The following ARNT2 variants were observed in gnomAD, a reference collection of about 807,000 sequenced individuals.
ARNT2 encodes aryl hydrocarbon receptor nuclear translocator 2.
In ARNT2, 36 loss-of-function variants were observed where a neutral mutation model predicts 91.7. The observed-to-expected ratio is 0.39, with a 90% CI of 0.30 to 0.52. The LOEUF (loss-of-function observed/expected upper bound fraction) is 0.52. Among genes scored for constraint, ARNT2 ranks in the 20% least tolerant of loss-of-function variants. The pLI is 0.72. For synonymous variants in ARNT2, 365 were observed against 347.1 expected, an observed-to-expected ratio of 1.05 and a Z score of -0.57; for missense variants, 775 against 939.3, an observed-to-expected ratio of 0.83 and a Z score of 2.29.
chr15:80,536,513 A>G (rs1267022670), intron 8 of ARNT2, among the ~76,000 whole-genome samples: 1 of 152,146 alleles, frequency 6.6e-6, no homozygotes, highest in Non-Finnish European at 1.5e-5. Context: ...CCCTTTTCGT[A>G]TTGACACAGC....
At position 80,575,262 on chromosome 15, in the gene ARNT2, A is replaced by C. The variant is rs139584489; in HGVS notation, c.1513+152A>C. On this transcript the variant is annotated intron_variant, in intron 14 of 18. Transcript: ENST00000303329. ...TATAAAAATACACGAGTTGGAATGG[A>C]TTCTGTCTACTCCTGGCCTTGCCTC... is the stretch of plus-strand genomic sequence containing the variant. The C allele has an allele frequency of 9.3e-5, 103 of 1,113,108 alleles. No individual in the cohort carries two copies. The African/African-American group carries it at 1.4e-3, about 15-fold the overall frequency. The allele number at this position is 1,113,108 out of a possible 1,614,324, so 69.0% of individuals were successfully genotyped here. A position where few individuals can be genotyped will look rare whatever the true frequency, so the allele number is the denominator to read the frequency against.
chr15:80,574,927 G>T, intron 13 of ARNT2, 60 bp from the exon 14 acceptor site: 1 of 1,565,486 alleles, frequency 6.4e-7, no homozygotes, highest in South Asian at 1.2e-5. Context: ...GGCTCCTGGG[G>T]ACGCATGTTC....
chr15:80,410,025 T>C lies in ARNT2; in HGVS notation c.31+5479T>C, dbSNP rs181460301. ...TTTTTAAAAAGCGCTGGAAATCTAC[T>C]GAAGGGGGTTTGAGCAAGGGGCATG... On this transcript the variant is annotated intron_variant, in intron 1 of 18. Coordinates refer to ENST00000303329, the MANE Select transcript of ARNT2 (RefSeq NM_014862.4). Among the ~76,000 whole-genome samples the C allele has an allele frequency of 4.6e-5, 7 of 152,294 alleles. No homozygotes were observed. In the East Asian group the frequency reaches 1.3e-3, roughly 29 times the overall value.
intron 1 of ARNT2, among the ~76,000 whole-genome samples, chr15:80,430,262 C>A (rs570301906): frequency 1.3e-5 from 2 of 152,236 alleles, no homozygotes; most frequent in Non-Finnish European, 2.9e-5. Flanking sequence ...AGTTGGAGAT[C>A]TCTGTGGTCT....
intron 1 of ARNT2, chr15:80,442,938 C>A (rs915624238): frequency 2.0e-6 from 2 of 985,284 alleles, no homozygotes; most frequent in Non-Finnish European, 2.4e-6. Flanking sequence ...TTTCCTCTGG[C>A]GTGCCCTCCT....
At chr15:80,441,426 A>C (rs1233477556) in intron 1 of ARNT2, 6 of 977,484 alleles carry the variant, frequency 6.1e-6, no homozygotes, top group Non-Finnish European at 6.1e-6. Context: ...AATTGTTCTA[A>C]GAGAGATGAA....
chr15:80,524,516 C>T (rs1021983217), intron 8 of ARNT2, among the ~76,000 whole-genome samples: 1 of 152,136 alleles, frequency 6.6e-6, no homozygotes, highest in South Asian at 2.1e-4. Context: ...TTAAAAATAG[C>T]ATGGGACATC....
intron 5 of ARNT2, among the ~76,000 whole-genome samples, chr15:80,493,136 C>T (rs914033613): frequency 1.3e-5 from 2 of 152,112 alleles, no homozygotes; most frequent in Non-Finnish European, 2.9e-5. Flanking sequence ...CAAGAGAGAA[C>T]GAGACAGAGA....
chr15:80,567,392 G>A (rs1013444415), intron 12 of ARNT2, among the ~76,000 whole-genome samples: 4 of 152,146 alleles, frequency 2.6e-5, no homozygotes, highest in African/African-American at 9.7e-5. Context: ...CTCCTGTCAT[G>A]GCCCCTTGCT....
intron 5 of ARNT2, among the ~76,000 whole-genome samples, chr15:80,492,245 C>T (rs1024712754): frequency 2.0e-5 from 3 of 151,954 alleles, no homozygotes; most frequent in Non-Finnish European, 4.4e-5. Context: ...CTGGTGTTGC[C>T]CAGGCTGATT....
chr15:80,459,103 A>G (rs1896518354), intron 3 of ARNT2, among the ~76,000 whole-genome samples: 1 of 152,166 alleles, frequency 6.6e-6, no homozygotes, highest in Non-Finnish European at 1.5e-5. Flanking sequence ...CTTACTTCCC[A>G]GGGATTCCCA....
intron 5 of ARNT2, among the ~76,000 whole-genome samples, chr15:80,503,209 C>T (rs1401414129): frequency 1.3e-5 from 2 of 152,224 alleles, no homozygotes; most frequent in African/African-American, 4.8e-5. Context: ...CCCAGGTCTC[C>T]TGTGGGATGG....
intron 8 of ARNT2, among the ~76,000 whole-genome samples, chr15:80,546,004 A>C (rs928838389): frequency 2.0e-5 from 3 of 152,226 alleles, no homozygotes; most frequent in African/African-American, 7.2e-5. Context: ...AGTAAGACGT[A>C]GGTTTGGCTG....
At chr15:80,579,638 G>T (rs932314096) in intron 15 of ARNT2, among the ~76,000 whole-genome samples, 1 of 152,146 alleles carries the variant, frequency 6.6e-6, no homozygotes, top group Admixed American at 6.5e-5. Flanking sequence ...AGGAGGAGGG[G>T]CCTGAAACAA....
At chr15:80,545,216 T>C (rs1897972089) in intron 8 of ARNT2, among the ~76,000 whole-genome samples, 1 of 152,244 alleles carries the variant, frequency 6.6e-6, no homozygotes, top group Non-Finnish European at 1.5e-5. Context: ...GTTATTTCTG[T>C]GCTTTCAGAG....
intron 8 of ARNT2, among the ~76,000 whole-genome samples, chr15:80,531,675 C>T (rs1166332686): frequency 2.0e-5 from 3 of 152,174 alleles, no homozygotes; most frequent in South Asian, 4.1e-4. Flanking sequence ...CCCCACTAAC[C>T]GGTAAAATCC....
Position 80,593,770 on chromosome 15 carries a change from C to A in ARNT2, c.*72C>A. The A allele has an allele frequency of 7.3e-7, 1 of 1,374,262 alleles. No individual in the cohort carries two copies. Among genetic ancestry groups the A allele is most frequent in the Non-Finnish European group, 1.0e-6 (1 of 995,618 alleles). 85.1% of individuals were successfully genotyped at this position (1,374,262 alleles called of 1,614,324 possible). ...GATGTCGATGCCCATGTGAATGAGG[C>A]CCACCCTCGCCCTGCTTGCCCTGCC... On this transcript the variant is annotated 3_prime_UTR_variant, in exon 19 of 19. Coordinates refer to ENST00000303329, the MANE Select transcript of ARNT2 (RefSeq NM_014862.4).
At chr15:80,433,930 ATTC>A (rs1025570251) in intron 1 of ARNT2, 1 of 152,230 alleles carries the variant, frequency 6.6e-6, no homozygotes, top group African/African-American at 2.4e-5. Flanking sequence ...GTCTGTTTAG[ATTC>A]TTCTTGGCCT....
intron 5 of ARNT2, among the ~76,000 whole-genome samples, chr15:80,486,620 C>T (rs892589060): frequency 2.0e-5 from 3 of 152,182 alleles, no homozygotes; most frequent in Admixed American, 2.0e-4. Flanking sequence ...CCACAAAATC[C>T]ACTGCTTCCT....
Sources: allele counts gnomAD v4.1 joint callset (sites outside exome capture counted in the v4.1 genomes callset), GRCh38; gene constraint gnomAD v4.1.1; transcripts MANE v1.5; gene names NCBI Gene and HGNC (gene_info 2026-07-23, HGNC 2026-07-21).